Variants in GUCY1A2 observed in about 807,000 individuals in gnomAD.
The protein encoded by GUCY1A2 is guanylate cyclase 1 soluble subunit alpha 2.
Under a neutral mutation model 63.5 loss-of-function variants are expected in GUCY1A2, and 27 were observed. The observed-to-expected ratio is 0.43, with a 90% CI of 0.31 to 0.59. GUCY1A2 has a LOEUF of 0.59. GUCY1A2 is among the 20% of genes least tolerant of loss of function. The pLI is 0.11. For missense variants in GUCY1A2, 768 were observed against 913.3 expected, an observed-to-expected ratio of 0.84 and a Z score of 2.05; for synonymous variants, 364 against 343.5, an observed-to-expected ratio of 1.06 and a Z score of -0.66.
intron 4 of GUCY1A2, among the ~76,000 whole-genome samples, chr11:106,869,461 G>A (rs558820544): frequency 3.9e-4 from 60 of 152,146 alleles, no homozygotes; most frequent in Middle Eastern, 3.4e-3. Flanking sequence ...ATGAACAGAC[G>A]CTTCTCAAAA....
intron 4 of GUCY1A2, among the ~76,000 whole-genome samples, chr11:106,907,307 T>A (rs2119849085): frequency 6.6e-6 from 1 of 152,244 alleles, no homozygotes; most frequent in East Asian, 1.9e-4. Context: ...ACATTCATTG[T>A]ATTAGGAGAT....
At chr11:106,949,831 C>T (rs1334619740) in intron 3 of GUCY1A2, among the ~76,000 whole-genome samples, 1 of 152,108 alleles carries the variant, frequency 6.6e-6, no homozygotes, top group Non-Finnish European at 1.5e-5. Context: ...AAATGAAGAC[C>T]ACTATAGTAA....
intron 6 of GUCY1A2, among the ~76,000 whole-genome samples, chr11:106,763,341 G>C (rs1220351596): frequency 6.6e-6 from 1 of 151,870 alleles, no homozygotes; most frequent in East Asian, 1.9e-4. Context: ...CGAGAGTGGG[G>C]GGCAGTGAGA....
At chr11:106,826,977 C>A in intron 4 of GUCY1A2, 1 of 1,610,602 alleles carries the variant, frequency 6.2e-7, no homozygotes, top group Non-Finnish European at 8.5e-7. Flanking sequence ...AGCCATATAT[C>A]TTTTCATTGG....
chr11:106,735,044 A>G (rs1175341382), intron 6 of GUCY1A2, among the ~76,000 whole-genome samples: 2 of 152,068 alleles, frequency 1.3e-5, no homozygotes, highest in East Asian at 3.9e-4. Context: ...TATGGGGTAC[A>G]TAAGTATTTC....
intron 5 of GUCY1A2, among the ~76,000 whole-genome samples, chr11:106,797,317 G>A (rs553286417): frequency 1.3e-5 from 2 of 152,154 alleles, no homozygotes; most frequent in South Asian, 4.1e-4. Flanking sequence ...TGCTGGAGAG[G>A]AGCTGCGTTC....
intron 7 of GUCY1A2, among the ~76,000 whole-genome samples, chr11:106,699,073 A>C (rs1358197375): frequency 6.6e-6 from 1 of 152,208 alleles, no homozygotes; most frequent in Non-Finnish European, 1.5e-5. Context: ...TCTATGTTCT[A>C]CCTTGGATTT....
intron 4 of GUCY1A2, among the ~76,000 whole-genome samples, chr11:106,825,676 C>CT (rs1858959884): frequency 6.6e-6 from 1 of 151,890 alleles, no homozygotes; most frequent in Admixed American, 6.6e-5. Flanking sequence ...GATGTCCAAT[C>CT]TTTTGGCTTC....
chr11:106,837,684 T>G (rs1346732484), intron 4 of GUCY1A2, among the ~76,000 whole-genome samples: 2 of 151,966 alleles, frequency 1.3e-5, no homozygotes, highest in African/African-American at 4.8e-5. Flanking sequence ...AATGTATTTA[T>G]TGAAAAAAGA....
chr11:107,007,379 A>G (rs1450911375), intron 1 of GUCY1A2, among the ~76,000 whole-genome samples: 2 of 152,192 alleles, frequency 1.3e-5, no homozygotes, highest in Non-Finnish European at 2.9e-5. Flanking sequence ...TCGGTGTTCA[A>G]ACAGAAAGGC....
rs552374613 is a variant in GUCY1A2, at chr11:106,797,689, G to A, written c.1692+12304C>T. 3.9e-5 allele frequency among the ~76,000 whole-genome samples: 6 copies of A among 152,168 alleles called. No individual in the cohort carries two copies. In the South Asian group the frequency reaches 1.2e-3, roughly 32 times the overall value. ...ACTACTGGGTACATAATGAAATGAA[G>A]GCAAAAATAAAGATGTTCTTTGAAA... On this transcript the variant is annotated intron_variant, in intron 5 of 7. Coordinates refer to ENST00000526355, the MANE Select transcript of GUCY1A2 (RefSeq NM_000855.3).
At chr11:106,896,772 T>TG (rs1860056030) in intron 4 of GUCY1A2, among the ~76,000 whole-genome samples, 1 of 152,212 alleles carries the variant, frequency 6.6e-6, no homozygotes, top group Admixed American at 6.5e-5. Flanking sequence ...ATCCTGCCAC[T>TG]GTCTTGATCT....
intron 7 of GUCY1A2, among the ~76,000 whole-genome samples, chr11:106,699,462 C>A (rs547507886): frequency 6.6e-6 from 1 of 152,134 alleles, no homozygotes; most frequent in Admixed American, 6.5e-5. Flanking sequence ...AGCAGAGTTG[C>A]CAATCACAGT....
intron 4 of GUCY1A2, among the ~76,000 whole-genome samples, chr11:106,927,887 T>G (rs1478628829): frequency 6.6e-6 from 1 of 152,122 alleles, no homozygotes; most frequent in Non-Finnish European, 1.5e-5. Flanking sequence ...TAAGTCTTTA[T>G]AACCACAGAA....
chr11:106,844,689 T>G (rs1052212138), intron 4 of GUCY1A2, among the ~76,000 whole-genome samples: 5 of 151,812 alleles, frequency 3.3e-5, no homozygotes, highest in African/African-American at 1.2e-4. Context: ...TGTTTTGCTC[T>G]TTTTCAATAT....
chr11:106,848,410 C>T (rs1859306777), intron 4 of GUCY1A2, among the ~76,000 whole-genome samples: 1 of 151,556 alleles, frequency 6.6e-6, no homozygotes, highest in Admixed American at 6.6e-5. Flanking sequence ...ATTATACCAA[C>T]ATTTGATTGG....
chr11:106,899,288 G>T (rs1455458537), intron 4 of GUCY1A2, among the ~76,000 whole-genome samples: 1 of 152,100 alleles, frequency 6.6e-6, no homozygotes, highest in Non-Finnish European at 1.5e-5. Flanking sequence ...CATTTAAAAT[G>T]CATTTTAAAA....
intron 4 of GUCY1A2, among the ~76,000 whole-genome samples, chr11:106,862,991 G>C (rs575324256): frequency 2.0e-5 from 3 of 152,046 alleles, no homozygotes; most frequent in Admixed American, 6.6e-5. Flanking sequence ...TCTGTGACCT[G>C]GGACAGAGGT....
rs1330369557 is a variant in GUCY1A2, at chr11:106,681,817, GGTT to G, written c.*5729_*5731del. The G allele has an allele frequency of 4.6e-6, 1 of 217,762 alleles. No homozygotes were observed. The highest frequency in any genetic ancestry group is 6.8e-5 in the East Asian group (1 of 14,758). 13.5% of individuals were successfully genotyped at this position (217,762 alleles called of 1,614,324 possible). On this transcript the variant is annotated 3_prime_UTR_variant, in exon 8 of 8. Transcript: ENST00000526355. ...CCATGGCTTAAATTATTGCTTGAAA[GGTT>G]GTTACACGGTATTGCTTGGAAATCA...
Sources: allele counts gnomAD v4.1 joint callset (sites outside exome capture counted in the v4.1 genomes callset), GRCh38; gene constraint gnomAD v4.1.1; transcripts MANE v1.5; gene names NCBI Gene and HGNC (gene_info 2026-07-23, HGNC 2026-07-21).